ATG5: variants seen among roughly 807,000 people sequenced by gnomAD.
The protein encoded by ATG5 is autophagy protein 5.
A neutral mutation model predicts 36.5 loss-of-function variants in ATG5; 14 were observed. The ratio of observed to expected loss-of-function variants is 0.38; its 90% CI spans 0.25 to 0.60. The LOEUF is 0.60. ATG5 is among the 20% of genes least tolerant of loss of function. The pLI, the probability that ATG5 is intolerant of heterozygous loss-of-function variation, is 0.60. For missense variants in ATG5, 195 were observed against 326.7 expected (o/e 0.60, Z 3.11); for synonymous variants, 95 against 101.5 (o/e 0.94, Z 0.38).
At chr6:106,325,356 G>A (rs1256726976) in intron 1 of ATG5, 170 bp downstream of exon 1, 2 of 152,456 alleles carry the variant, frequency 1.3e-5, no homozygotes, top group Non-Finnish European at 2.9e-5. Context: ...CCGGGCCGGC[G>A]TCTCGCCAAC....
intron 6 of ATG5, among the ~76,000 whole-genome samples, chr6:106,244,013 C>T (rs978081262): frequency 1.5e-5 from 2 of 133,730 alleles, no homozygotes; most frequent in African/African-American, 5.6e-5. Context: ...CTCTCAAATA[C>T]AAGTGACTCT....
chr6:106,246,270 T>C (rs1324764911), intron 6 of ATG5, among the ~76,000 whole-genome samples: 2 of 151,978 alleles, frequency 1.3e-5, no homozygotes, highest in African/African-American at 4.8e-5. Flanking sequence ...AGAGTCCCCA[T>C]CTGGCAGCCA....
intron 4 of ATG5, among the ~76,000 whole-genome samples, chr6:106,290,209 T>C (rs1562258387): frequency 6.7e-6 from 1 of 148,410 alleles, no homozygotes; most frequent in Non-Finnish European, 1.5e-5. Flanking sequence ...TTTTATTTTA[T>C]TTTATTTATT....
intron 6 of ATG5, among the ~76,000 whole-genome samples, chr6:106,239,053 A>AATTAATTATTAATTAATTAATT (rs1778005637): frequency 6.6e-6 from 1 of 152,232 alleles, no homozygotes; most frequent in Non-Finnish European, 1.5e-5. Context: ...TGAAACACTT[A>AATTAATTATTAATTAATTAATT]AACTGTATCA....
intron 4 of ATG5, among the ~76,000 whole-genome samples, chr6:106,284,273 A>G (rs1412281439): frequency 6.6e-6 from 1 of 152,228 alleles, no homozygotes; most frequent in Admixed American, 6.5e-5. Flanking sequence ...CAAAAAGGCT[A>G]CACCATTTTA....
intron 7 of ATG5, chr6:106,201,617 A>AT (rs1009007409): frequency 1.3e-5 from 2 of 153,920 alleles, no homozygotes; most frequent in African/African-American, 4.8e-5. Flanking sequence ...AATATCAAAA[A>AT]TGAGAAAATT....
At chr6:106,195,500 A>AT (rs146141455) in intron 7 of ATG5, among the ~76,000 whole-genome samples, 8 of 152,096 alleles carry the variant, frequency 5.3e-5, no homozygotes, top group East Asian at 1.9e-4. Context: ...TTAAATGACA[A>AT]TTTTTTTTAA....
At chr6:106,225,968 G>A (rs1236277903) in intron 6 of ATG5, among the ~76,000 whole-genome samples, 2 of 152,192 alleles carry the variant, frequency 1.3e-5, no homozygotes, top group East Asian at 3.8e-4. Context: ...AATCCAGAAA[G>A]CCATACACAT....
chr6:106,308,448 T>C lies in ATG5; in HGVS notation c.152A>G (p.Lys51Arg). ...AACCTTCTGAAAGTGCTTTTTCACT[T>C]TGTCAGTTACCAACGTCAAATAACT... ...RVSYLTLVTD[K>R]VKKHFQKVMR... The change falls in exon 3 of 8, where the codon AAA becomes AGA. Residue 51 changes from lysine to arginine, a missense_variant. Coordinates refer to ENST00000369076, the MANE Select transcript of ATG5 (RefSeq NM_004849.4). 6 of 1,599,538 alleles carry C rather than the reference T, an allele frequency of 3.8e-6. No individual in the cohort carries two copies. Among genetic ancestry groups the C allele is most frequent in the Middle Eastern group, 1.7e-4 (1 of 6,026 alleles).
intron 5 of ATG5, among the ~76,000 whole-genome samples, chr6:106,255,870 A>C (rs1778780452): frequency 6.6e-6 from 1 of 152,180 alleles, no homozygotes; most frequent in Non-Finnish European, 1.5e-5. Flanking sequence ...AATTATCTAA[A>C]TGTATTCCTG....
At chr6:106,213,044 A>G (rs1168496052) in intron 6 of ATG5, among the ~76,000 whole-genome samples, 3 of 152,240 alleles carry the variant, frequency 2.0e-5, no homozygotes, top group African/African-American at 4.8e-5. Flanking sequence ...TAGGTACAAC[A>G]ACGACTACTA....
At chr6:106,304,161 T>C (rs1385860354) in intron 3 of ATG5, 1 of 152,080 alleles carries the variant, frequency 6.6e-6, no homozygotes, top group Non-Finnish European at 1.5e-5. Context: ...TTCCATATAC[T>C]AAAAATGAAC....
intron 6 of ATG5, among the ~76,000 whole-genome samples, chr6:106,209,632 T>C (rs1173059093): frequency 6.6e-6 from 1 of 152,172 alleles, no homozygotes; most frequent in Non-Finnish European, 1.5e-5. Flanking sequence ...ACATATGTGA[T>C]AAAGATTGCA....
chr6:106,269,753 C>T (rs1038494371), intron 5 of ATG5, among the ~76,000 whole-genome samples: 1 of 152,222 alleles, frequency 6.6e-6, no homozygotes, highest in Admixed American at 6.5e-5. Context: ...CCCGCAAGCG[C>T]CGCGCACATC....
At chr6:106,315,304 C>G (rs1770797862) in intron 2 of ATG5, among the ~76,000 whole-genome samples, 1 of 152,116 alleles carries the variant, frequency 6.6e-6, no homozygotes, top group South Asian at 2.1e-4. Flanking sequence ...CAGGTAAACA[C>G]TAGAATGCAT....
chr6:106,204,563 T>C (rs915651789), intron 6 of ATG5, among the ~76,000 whole-genome samples: 3 of 152,204 alleles, frequency 2.0e-5, no homozygotes, highest in Non-Finnish European at 4.4e-5. Flanking sequence ...GGAGGGACTG[T>C]AATCCCCATG....
intron 7 of ATG5, among the ~76,000 whole-genome samples, chr6:106,193,330 T>A (rs1776041495): frequency 6.6e-6 from 1 of 152,308 alleles, no homozygotes; most frequent in African/African-American, 2.4e-5. Flanking sequence ...ATACCACATA[T>A]CTCTTTCCAT....
chr6:106,240,614 A>C (rs973917302), intron 6 of ATG5, among the ~76,000 whole-genome samples: 4 of 151,928 alleles, frequency 2.6e-5, no homozygotes, highest in African/African-American at 9.7e-5. Flanking sequence ...GCATGCTCTC[A>C]TATACTGTTA....
chr6:106,194,409 G>A (rs558124724), intron 7 of ATG5, among the ~76,000 whole-genome samples: 1 of 151,970 alleles, frequency 6.6e-6, no homozygotes, highest in African/African-American at 2.4e-5. Flanking sequence ...AGATTTATAT[G>A]TTTCTTTTTC....
Sources: gnomAD v4.1 joint callset for allele counts (sites outside exome capture counted in the v4.1 genomes callset) on GRCh38, gnomAD v4.1.1 for gene constraint, MANE v1.5 for transcripts, NCBI Gene and HGNC (gene_info 2026-07-23, HGNC 2026-07-21) for gene names.